The following CNTNAP2 variants were observed in gnomAD, a reference collection of about 807,000 sequenced individuals.
CNTNAP2 encodes contactin associated protein 2, also known as contactin-associated protein-like 2.
CNTNAP2 carries 98 observed loss-of-function variants against 155.2 expected under a neutral mutation model. The observed-to-expected ratio is 0.63, with a 90% confidence interval of 0.54 to 0.75. The LOEUF (loss-of-function observed/expected upper bound fraction) is 0.75, where lower values mean the gene tolerates loss of function less well. CNTNAP2 is among the 30% of genes least tolerant of loss of function. The pLI is 0.00. For synonymous variants in CNTNAP2, 651 were observed against 631.2 expected (o/e 1.03, Z -0.47); for missense variants, 1,727 against 1,688.1 (o/e 1.02, Z -0.40).
chr7:147,912,907 C>T (rs549403500), intron 14 of CNTNAP2, among the ~76,000 whole-genome samples: 10 of 152,290 alleles, frequency 6.6e-5, no homozygotes, highest in African/African-American at 1.7e-4. Context: ...CTGGCCTGAA[C>T]GGGAGCATCG....
At chr7:147,225,419 ACTTTTG>A (rs1348844585) in intron 8 of CNTNAP2, among the ~76,000 whole-genome samples, 1 of 152,134 alleles carries the variant, frequency 6.6e-6, no homozygotes, top group Non-Finnish European at 1.5e-5. Flanking sequence ...GCTGAAAGTG[ACTTTTG>A]TCCCTTTCGG....
intron 13 of CNTNAP2, among the ~76,000 whole-genome samples, chr7:147,706,998 T>C (rs1035777764): frequency 6.6e-6 from 1 of 152,194 alleles, no homozygotes; most frequent in Non-Finnish European, 1.5e-5. Flanking sequence ...TTCTGTGATA[T>C]CTATCTCTTT....
chr7:147,243,893 A>T (rs543403945), intron 8 of CNTNAP2, among the ~76,000 whole-genome samples: 4 of 152,280 alleles, frequency 2.6e-5, no homozygotes, highest in Non-Finnish European at 5.9e-5. Flanking sequence ...ACACACTAAA[A>T]TTGTAATTTA....
At chr7:146,792,583 A>G (rs1026993971) in intron 2 of CNTNAP2, among the ~76,000 whole-genome samples, 3 of 152,214 alleles carry the variant, frequency 2.0e-5, no homozygotes, top group Admixed American at 2.0e-4. Context: ...GTATCCAGGC[A>G]TTTAATAAGC....
At chr7:148,175,863 T>C (rs771113564) in intron 18 of CNTNAP2, among the ~76,000 whole-genome samples, 20 of 152,072 alleles carry the variant, frequency 1.3e-4, no homozygotes, top group Non-Finnish European at 2.6e-4. Flanking sequence ...ATCATCCTCC[T>C]CTTCTTCCCT....
intron 8 of CNTNAP2, among the ~76,000 whole-genome samples, chr7:147,147,371 T>A (rs1030548111): frequency 6.6e-6 from 1 of 152,202 alleles, no homozygotes; most frequent in African/African-American, 2.4e-5. Flanking sequence ...ATCTGCTTTG[T>A]GGTGACCTAA....
chr7:146,694,509 T>G (rs1383282633), intron 1 of CNTNAP2, among the ~76,000 whole-genome samples: 1 of 152,212 alleles, frequency 6.6e-6, no homozygotes, highest in African/African-American at 2.4e-5. Flanking sequence ...CACTATGGCC[T>G]AATATAAGGT....
At chr7:147,615,926 G>A (rs890802291) in intron 12 of CNTNAP2, among the ~76,000 whole-genome samples, 9 of 151,732 alleles carry the variant, frequency 5.9e-5, no homozygotes, top group African/African-American at 1.7e-4. Context: ...TTTTCCTCCC[G>A]CCTCCTGGTC....
At position 148,415,780 on chromosome 7, in the gene CNTNAP2, C is replaced by CA. The variant is rs61125105; in HGVS notation, c.*175dup. 0.5 allele frequency: 281,466 copies of CA among 561,522 alleles called. 37,254 individuals carry two copies. Among genetic ancestry groups the CA allele is most frequent in the East Asian group, 0.63 (18,894 of 30,018 alleles). 34.8% of individuals were successfully genotyped at this position (561,522 alleles called of 1,614,324 possible). Reference sequence around the variant, plus strand: ...AATGGAATATTCTTGAGACTGATCACAAAAAAAAAAACCTTTTTAATATTT... The same window carrying CA: ...AATGGAATATTCTTGAGACTGATCACAAAAAAAAAAAACCTTTTTAATATTT... On this transcript the variant is annotated 3_prime_UTR_variant, in exon 24 of 24. Coordinates refer to ENST00000361727, the MANE Select transcript of CNTNAP2 (RefSeq NM_014141.6).
chr7:146,218,943 C>T (rs1584807981), intron 1 of CNTNAP2, among the ~76,000 whole-genome samples: 2 of 152,074 alleles, frequency 1.3e-5, no homozygotes, highest in South Asian at 4.1e-4. Flanking sequence ...TCCATTTTCA[C>T]GCATTATAAA....
At chr7:147,773,717 C>T (rs1321603096) in intron 13 of CNTNAP2, among the ~76,000 whole-genome samples, 1 of 152,112 alleles carries the variant, frequency 6.6e-6, no homozygotes, top group East Asian at 1.9e-4. Flanking sequence ...CTTCTTTGTA[C>T]TCTCCAAAAT....
rs111411298 is a variant in CNTNAP2 at position 146,878,447 on chromosome 7, GT to G, written c.402+38554del. ...TTCCCTTTCCCACAAGTACTCTTGA[GT>G]TTTTTTTTTTAATAAGATTATACCA... On this transcript the variant is annotated intron_variant, in intron 3 of 23. Coordinates refer to ENST00000361727, the MANE Select transcript of CNTNAP2 (RefSeq NM_014141.6). 8.3e-3 allele frequency among the ~76,000 whole-genome samples: 1,198 copies of G among 144,848 alleles called. 9 individuals are homozygous for G. The highest frequency in any genetic ancestry group is 0.027 in the African/African-American group (1,077 of 39,766).
chr7:148,248,139 C>G (rs938399095), intron 20 of CNTNAP2, among the ~76,000 whole-genome samples: 20 of 152,048 alleles, frequency 1.3e-4, no homozygotes, highest in African/African-American at 4.8e-4. Context: ...ACCATTGCCC[C>G]CAAGCATTTA....
intron 3 of CNTNAP2, among the ~76,000 whole-genome samples, chr7:146,935,870 G>A (rs368779210): frequency 6.6e-6 from 1 of 152,098 alleles, no homozygotes; most frequent in African/African-American, 2.4e-5. Context: ...TTTGGTTTAT[G>A]GAGACCCTAG....
intron 13 of CNTNAP2, among the ~76,000 whole-genome samples, chr7:147,860,162 T>G (rs1393668750): frequency 6.6e-6 from 1 of 152,116 alleles, no homozygotes; most frequent in Non-Finnish European, 1.5e-5. Context: ...CAGTGGCTCA[T>G]GCCTGTAATC....
At chr7:147,758,726 G>C (rs1309089980) in intron 13 of CNTNAP2, among the ~76,000 whole-genome samples, 1 of 151,980 alleles carries the variant, frequency 6.6e-6, no homozygotes, top group Non-Finnish European at 1.5e-5. Context: ...ATGACTGTGG[G>C]CCCAGCTACT....
intron 14 of CNTNAP2, among the ~76,000 whole-genome samples, chr7:147,968,100 AT>A (rs1203058948): frequency 2.6e-5 from 4 of 152,154 alleles, no homozygotes; most frequent in Non-Finnish European, 5.9e-5. Flanking sequence ...GGCCACTTTT[AT>A]TTGAATCCAC....
At chr7:147,366,280 C>T (rs1796228343) in intron 9 of CNTNAP2, among the ~76,000 whole-genome samples, 1 of 152,086 alleles carries the variant, frequency 6.6e-6, no homozygotes, top group African/African-American at 2.4e-5. Flanking sequence ...CCACTTGAGC[C>T]TTCTCCATTT....
At chr7:147,634,198 C>A (rs1283687553) in intron 12 of CNTNAP2, among the ~76,000 whole-genome samples, 6 of 152,144 alleles carry the variant, frequency 3.9e-5, no homozygotes, top group Admixed American at 3.9e-4. Flanking sequence ...CAATATGGAA[C>A]CAGCCTAAAA....
Sources: gnomAD v4.1 joint callset for allele counts (sites outside exome capture counted in the v4.1 genomes callset) on GRCh38, gnomAD v4.1.1 for gene constraint, MANE v1.5 for transcripts, NCBI Gene and HGNC (gene_info 2026-07-23, HGNC 2026-07-21) for gene names.